The following NECAB2 variants were observed in gnomAD, a reference collection of about 807,000 sequenced individuals.
NECAB2 encodes N-terminal EF-hand calcium-binding protein 2.
NECAB2 carries 68 observed loss-of-function variants against 51.9 expected under a neutral mutation model. That is an observed-to-expected ratio of 1.31 (90% confidence interval 1.08 to 1.60). The LOEUF is 1.60. NECAB2 is among the 40% of genes most tolerant of loss of function. The pLI, the probability that NECAB2 is intolerant of heterozygous loss-of-function variation, is 0.00. For synonymous variants in NECAB2, 329 were observed against 203.5 expected, an observed-to-expected ratio of 1.62 and a Z score of -5.25; for missense variants, 854 against 490.3, an observed-to-expected ratio of 1.74 and a Z score of -7.00.
chr16:83,972,019 A>T, intron 1 of NECAB2, 132 bp from the exon 2 acceptor site: 1 of 1,226,412 alleles, frequency 8.2e-7, no homozygotes, highest in Non-Finnish European at 1.2e-6. Context: ...GGGGAGAGGG[A>T]AGGGGGGCTC....
intron 8 of NECAB2, among the ~76,000 whole-genome samples, chr16:83,995,105 G>A (rs1217511123): frequency 6.6e-6 from 1 of 152,242 alleles, no homozygotes; most frequent in Non-Finnish European, 1.5e-5. Context: ...TCAAAACAAG[G>A]AAGGAAGTGA....
chr16:83,994,808 C>T, intron 8 of NECAB2, 120 bp downstream of exon 8: 7 of 1,166,746 alleles, frequency 6.0e-6, no homozygotes, highest in Middle Eastern at 2.0e-4. Flanking sequence ...ATGAAAAAGA[C>T]ATCCCCCAGG....
At chr16:83,994,047 A>G (rs1049359388) in intron 6 of NECAB2, among the ~76,000 whole-genome samples, 2 of 152,108 alleles carry the variant, frequency 1.3e-5, no homozygotes, top group African/African-American at 4.8e-5. Context: ...TCTTGGGGAA[A>G]AGGCCTAGGC....
chr16:83,975,807 A>G (rs2084401866), intron 2 of NECAB2, among the ~76,000 whole-genome samples: 1 of 152,196 alleles, frequency 6.6e-6, no homozygotes, highest in Admixed American at 6.5e-5. Context: ...TGTGCTAATT[A>G]GCAAAGACAC....
intron 3 of NECAB2, among the ~76,000 whole-genome samples, chr16:83,980,156 C>G (rs1343014710): frequency 3.3e-5 from 5 of 152,244 alleles, no homozygotes; most frequent in Non-Finnish European, 7.3e-5. Flanking sequence ...GTCCCTTGCA[C>G]ATTGACTTGG....
At chr16:84,000,959 T>G (rs898374193) in intron 11 of NECAB2, among the ~76,000 whole-genome samples, 158 bp downstream of exon 11, 6 of 151,830 alleles carry the variant, frequency 4.0e-5, no homozygotes, top group Non-Finnish European at 8.8e-5. Flanking sequence ...CAGTAAACCC[T>G]GGTGGAGGCA....
Position 83,969,937 on chromosome 16 carries a change from G to T in NECAB2, c.201+1088G>T, listed in dbSNP as rs541934291. ...AACCCTTGGCCGGGGTCTGGGCTGG[G>T]AGGGCCGGCCAGAGCAGGGGGAGCT... On this transcript the variant is annotated intron_variant, in intron 1 of 12. Transcript: ENST00000305202. Among the ~76,000 whole-genome samples the T allele has an allele frequency of 2.0e-5, 3 of 152,282 alleles. No individual in the cohort carries two copies. The East Asian group carries it at 5.8e-4, about 29-fold the overall frequency.
intron 2 of NECAB2, among the ~76,000 whole-genome samples, chr16:83,975,854 C>G (rs1051355651): frequency 6.6e-6 from 1 of 152,160 alleles, no homozygotes; most frequent in African/African-American, 2.4e-5. Context: ...GGCAAAAGTG[C>G]CAGCGCGGGC....
intron 10 of NECAB2, among the ~76,000 whole-genome samples, chr16:84,000,123 C>A (rs537114608): frequency 3.4e-4 from 51 of 152,094 alleles, no homozygotes; most frequent in African/African-American, 1.1e-3. Flanking sequence ...AACTCCTGAC[C>A]TCACGTAATC....
chr16:83,994,884 G>T (rs74032352), intron 8 of NECAB2, among the ~76,000 whole-genome samples, 196 bp downstream of exon 8: 7,605 of 152,230 alleles, frequency 0.05, 495 homozygotes, highest in African/African-American at 0.15. Flanking sequence ...TGTTGTTCAG[G>T]CCCAAGGAGG....
chr16:83,980,881 G>T lies in NECAB2; in HGVS notation c.361+17G>T. The T allele has an allele frequency of 6.2e-7, 1 of 1,612,886 alleles. No individual in the cohort carries two copies. Among genetic ancestry groups the T allele is most frequent in the Non-Finnish European group, 8.5e-7 (1 of 1,179,262 alleles). On this transcript the variant is annotated intron_variant, in intron 4 of 12. Coordinates refer to ENST00000305202, the MANE Select transcript of NECAB2 (RefSeq NM_019065.3). ...AGCTGTGTGGTAGGTGCCTGGCTAT[G>T]CTGGGACCAAGATGGGGATGCTGGG...
chr16:84,001,809 T>A lies in NECAB2; in HGVS notation c.1041-16T>A. 1 of 1,613,668 alleles carries A rather than the reference T, an allele frequency of 6.2e-7. No individual in the cohort carries two copies. The highest frequency in any genetic ancestry group is 8.5e-7 in the Non-Finnish European group (1 of 1,179,722). ...ACTCCTGCCACCCCTGACTCACACA[T>A]GTCCCTGCGTCACAGGCACCTGCAG... On this transcript the variant is annotated splice_polypyrimidine_tract_variant and intron_variant, in intron 11 of 12. Transcript: ENST00000305202.
intron 1 of NECAB2, chr16:83,971,456 G>A (rs569532362): frequency 5.3e-5 from 8 of 152,320 alleles, no homozygotes; most frequent in African/African-American, 1.9e-4. Flanking sequence ...CTTGAGGAAA[G>A]GGGAGCAGCT....
At chr16:83,981,409 AG>A (rs138324274) in intron 5 of NECAB2, among the ~76,000 whole-genome samples, 12,188 of 120,334 alleles carry the variant, frequency 0.1, 1,490 homozygotes, top group African/African-American at 0.32. Flanking sequence ...TGTGCCCTTA[AG>A]GGGTCCCCAG....
rs780319058 is a variant in NECAB2, at chr16:84,000,058, ATTTT to A, written c.963-655_963-652del. Among the ~76,000 whole-genome samples, 6 of 118,224 alleles carry A rather than the reference ATTTT, an allele frequency of 5.1e-5. No homozygotes were observed. The South Asian group carries it at 7.0e-4, about 14-fold the overall frequency. The allele number at this position is 118,224 out of a possible 152,430, so 77.6% of individuals were successfully genotyped here. A position where few individuals can be genotyped will look rare whatever the true frequency, so the allele number is the denominator to read the frequency against. On this transcript the variant is annotated intron_variant, in intron 10 of 12. Transcript: ENST00000305202. ...TGTGCCACCAGGCCCAGCAAGTTTT[ATTTT>A]TTTTTTTTTTAAAGAGACAGTGTTT... is the stretch of plus-strand genomic sequence containing the variant.
chr16:83,981,423 A>G (rs1265337532), intron 5 of NECAB2, among the ~76,000 whole-genome samples: 3 of 109,820 alleles, frequency 2.7e-5, no homozygotes, highest in South Asian at 3.1e-4. Context: ...GTCCCCAGAC[A>G]GGTGTCGTAC....
chr16:83,998,781 C>G (rs1008146393), intron 10 of NECAB2, among the ~76,000 whole-genome samples: 12 of 143,586 alleles, frequency 8.4e-5, no homozygotes, highest in African/African-American at 3.3e-4. Context: ...AGGGAAATGC[C>G]CAAGTCATGT....
At chr16:83,999,803 G>A (rs1055674186) in intron 10 of NECAB2, among the ~76,000 whole-genome samples, 1 of 152,138 alleles carries the variant, frequency 6.6e-6, no homozygotes, top group African/African-American at 2.4e-5. Flanking sequence ...ACAGTGCAGT[G>A]GGGGTGTTGC....
upstream of NECAB2, chr16:83,966,421 T>G (rs988578563): frequency 4.9e-6 from 1 of 204,162 alleles, no homozygotes; most frequent in Admixed American, 5.2e-5. Flanking sequence ...AAGGGGATTG[T>G]GGGAGGAGTC....
Sources: gnomAD v4.1 joint callset for allele counts (sites outside exome capture counted in the v4.1 genomes callset) on GRCh38, gnomAD v4.1.1 for gene constraint, MANE v1.5 for transcripts, NCBI Gene and HGNC (gene_info 2026-07-23, HGNC 2026-07-21) for gene names.